The following LMNTD1 variants were observed in gnomAD, a reference collection of about 807,000 sequenced individuals.
The protein encoded by LMNTD1 is lamin tail domain-containing protein 1.
A neutral mutation model predicts 50.9 loss-of-function variants in LMNTD1; 35 were observed. The ratio of observed to expected loss-of-function variants is 0.69; its 90% CI spans 0.53 to 0.91. The LOEUF is 0.91. Among genes scored for constraint, LMNTD1 ranks in the 40% least tolerant of loss-of-function variants. LMNTD1 has a pLI of 0.00. For synonymous variants in LMNTD1, 153 were observed against 161.9 expected, an observed-to-expected ratio of 0.94 and a Z score of 0.42; for missense variants, 470 against 475.5, an observed-to-expected ratio of 0.99 and a Z score of 0.11.
chr12:25,513,590 C>G (rs11837148), intron 8 of LMNTD1, among the ~76,000 whole-genome samples: 3 of 152,042 alleles, frequency 2.0e-5, no homozygotes, highest in African/African-American at 7.3e-5. Flanking sequence ...GAGCTGATAC[C>G]GTGCTACTGC....
In LMNTD1 at chr12:25,516,683, G is replaced by A. The variant is rs181092348; in HGVS notation, c.1189+2112C>T. Among the ~76,000 whole-genome samples, 347 of 152,074 alleles carry A rather than the reference G, an allele frequency of 2.3e-3. 6 individuals carry two copies. Among genetic ancestry groups the A allele is most frequent in the Non-Finnish European group, 8.7e-4 (59 of 67,978 alleles). On this transcript the variant is annotated intron_variant, in intron 8 of 9. Transcript: ENST00000458174. ...ACAGATGAGGAAACTCAGACATAGA[G>A]CTACATGGTACACAATTTTATGAAA...
At chr12:25,525,308 A>G (rs1941628123) in intron 6 of LMNTD1, among the ~76,000 whole-genome samples, 1 of 152,208 alleles carries the variant, frequency 6.6e-6, no homozygotes, top group Non-Finnish European at 1.5e-5. Context: ...TATAAGGAGT[A>G]AAGTATAGTC....
At chr12:25,537,915 A>C (rs1051339579) in intron 4 of LMNTD1, among the ~76,000 whole-genome samples, 2 of 148,332 alleles carry the variant, frequency 1.3e-5, no homozygotes, top group African/African-American at 4.9e-5. Context: ...CTCGAGAACT[A>C]CGTGAAGAAT....
chr12:25,610,317 G>A lies in LMNTD1; in HGVS notation c.58+38177C>T, dbSNP rs2086278. Among the ~76,000 whole-genome samples, 1,457 of 152,194 alleles carry A rather than the reference G, an allele frequency of 9.6e-3. 33 individuals carry two copies. Among genetic ancestry groups the A allele is most frequent in the African/African-American group, 0.033 (1,378 of 41,508 alleles). On this transcript the variant is annotated intron_variant, in intron 1 of 7. Transcript: ENST00000445693. ...CCTGGGTGAGGCAATATCCCGTCCT[G>A]CTTCAGCTTGCCCTCTGTGGGCTGC...
intron 1 of LMNTD1, among the ~76,000 whole-genome samples, chr12:25,586,720 C>T (rs2136450111): frequency 6.6e-6 from 1 of 152,262 alleles, no homozygotes; most frequent in South Asian, 2.1e-4. Context: ...TGACAACCAA[C>T]AATATAGGAA....
At chr12:25,534,553 C>T (rs1403472457) in intron 4 of LMNTD1, among the ~76,000 whole-genome samples, 1 of 152,128 alleles carries the variant, frequency 6.6e-6, no homozygotes. Context: ...GAGTATCAGA[C>T]ATGGGAAGCT....
intron 6 of LMNTD1, among the ~76,000 whole-genome samples, chr12:25,522,486 G>C (rs2136057786): frequency 6.6e-6 from 1 of 152,312 alleles, no homozygotes; most frequent in African/African-American, 2.4e-5. Context: ...TTGAGAGTTA[G>C]AAGATATGGT....
chr12:25,611,433 G>T (rs1946241126), intron 1 of LMNTD1, among the ~76,000 whole-genome samples: 1 of 152,172 alleles, frequency 6.6e-6, no homozygotes, highest in South Asian at 2.1e-4. Flanking sequence ...GAGGAATACA[G>T]TGATGAGGAG....
chr12:25,540,703 A>G (rs1328064646), intron 4 of LMNTD1, among the ~76,000 whole-genome samples: 1 of 142,454 alleles, frequency 7.0e-6, no homozygotes, highest in Non-Finnish European at 1.5e-5. Context: ...CCTATTCAAC[A>G]TAGTGTTGGA....
At chr12:25,495,249 CGT>C (rs1207389869) in intron 9 of LMNTD1, among the ~76,000 whole-genome samples, 3,087 of 144,720 alleles carry the variant, frequency 0.021, 106 homozygotes, top group African/African-American at 0.071. Context: ...AAAGTGTGTA[CGT>C]GTGTGTGTGT....
chr12:25,605,264 G>C (rs559222032), intron 1 of LMNTD1, among the ~76,000 whole-genome samples: 1 of 152,140 alleles, frequency 6.6e-6, no homozygotes, highest in East Asian at 1.9e-4. Context: ...AGATGAGTAG[G>C]TTGCAAAAAT....
chr12:25,527,698 A>G, intron 4 of LMNTD1, among the ~76,000 whole-genome samples: 1 of 124,758 alleles, frequency 8.0e-6, no homozygotes, highest in Non-Finnish European at 1.7e-5. Flanking sequence ...ACACACACAC[A>G]CACACACACA....
intron 1 of LMNTD1, among the ~76,000 whole-genome samples, chr12:25,573,760 T>G (rs898470501): frequency 6.6e-6 from 1 of 152,184 alleles, no homozygotes; most frequent in Non-Finnish European, 1.5e-5. Flanking sequence ...GATTTTGATC[T>G]TTCACTTTTT....
chr12:25,510,117 C>T (rs2135979776), intron 8 of LMNTD1, among the ~76,000 whole-genome samples: 1 of 152,172 alleles, frequency 6.6e-6, no homozygotes, highest in South Asian at 2.1e-4. Context: ...TATGTTTGTT[C>T]ATGTTTTGAT....
At chr12:25,604,575 A>C in intron 1 of LMNTD1, among the ~76,000 whole-genome samples, 1 of 149,652 alleles carries the variant, frequency 6.7e-6, no homozygotes, top group Non-Finnish European at 1.5e-5. Flanking sequence ...TTCAATTCCC[A>C]CCTATGAGTG....
chr12:25,527,663 TATATATATATATATATATACACAC>T (rs1226268167), intron 4 of LMNTD1, among the ~76,000 whole-genome samples: 344 of 27,466 alleles, frequency 0.013, 9 homozygotes, highest in Middle Eastern at 0.033. Context: ...TATATATATA[TATATATATATATATATATACACAC>T]ACACACACAC....
chr12:25,512,561 C>T (rs927135233), intron 8 of LMNTD1, among the ~76,000 whole-genome samples: 3 of 152,012 alleles, frequency 2.0e-5, no homozygotes, highest in African/African-American at 7.2e-5. Context: ...TTTCTAGCTC[C>T]ATCACTTACT....
chr12:25,506,582 T>C (rs564805581), intron 8 of LMNTD1, among the ~76,000 whole-genome samples: 7 of 152,026 alleles, frequency 4.6e-5, no homozygotes, highest in African/African-American at 1.7e-4. Flanking sequence ...GCACATTCTC[T>C]CTAGGTGTAG....
intron 1 of LMNTD1, among the ~76,000 whole-genome samples, chr12:25,573,823 A>C (rs1029328180): frequency 6.6e-6 from 1 of 152,062 alleles, no homozygotes; most frequent in Non-Finnish European, 1.5e-5. Flanking sequence ...CTACCACATG[A>C]GTCTCCCTGT....
Sources: allele counts gnomAD v4.1 joint callset (sites outside exome capture counted in the v4.1 genomes callset), GRCh38; gene constraint gnomAD v4.1.1; transcripts MANE v1.5; gene names NCBI Gene and HGNC (gene_info 2026-07-23, HGNC 2026-07-21).